THSD7B: variants seen among roughly 807,000 people sequenced by gnomAD.
The protein encoded by THSD7B is thrombospondin type-1 domain-containing protein 7B.
In THSD7B, 138 loss-of-function variants were observed where a neutral mutation model predicts 213.6. That is an observed-to-expected ratio of 0.65 (90% CI 0.56 to 0.74). THSD7B has a LOEUF of 0.74. Ranked by LOEUF, THSD7B falls within the 30% of genes least tolerant of loss-of-function variation. THSD7B has a pLI of 0.00. For missense variants in THSD7B, 1,931 were observed against 1,991.5 expected, an observed-to-expected ratio of 0.97 and a Z score of 0.58; for synonymous variants, 742 against 687.0, an observed-to-expected ratio of 1.08 and a Z score of -1.25.
intron 16 of THSD7B, among the ~76,000 whole-genome samples, chr2:137,568,888 T>G (rs1681295268): frequency 6.6e-6 from 1 of 151,900 alleles, no homozygotes; most frequent in African/African-American, 2.4e-5. Flanking sequence ...AATGCTGGGG[T>G]TATAGAGAGA....
Position 137,105,607 on chromosome 2 carries a change from G to C in THSD7B, c.1200-9517G>C, listed in dbSNP as rs559306526. Among the ~76,000 whole-genome samples, 10 of 152,276 alleles carry C rather than the reference G, an allele frequency of 6.6e-5. No individual in the cohort carries two copies. In the South Asian group the frequency reaches 2.1e-3, roughly 32 times the overall value. ...AGGTATTCAAATAGGAAGAGAGGAA[G>C]TCAAATTGTCTCTGTTTGCAGATGA... is the stretch of plus-strand genomic sequence containing the variant. On this transcript the variant is annotated intron_variant, in intron 4 of 27. Transcript: ENST00000409968.
At chr2:137,123,509 T>A (rs1688579207) in intron 5 of THSD7B, among the ~76,000 whole-genome samples, 1 of 152,170 alleles carries the variant, frequency 6.6e-6, no homozygotes, top group Admixed American at 6.5e-5. Flanking sequence ...CATATTTTCT[T>A]TGCTTTACTC....
At position 137,659,706 on chromosome 2, in the gene THSD7B, G is replaced by A; in HGVS notation, c.4418G>A (p.Cys1473Tyr). The change falls in exon 25 of 28, where the codon TGC (cysteine) becomes TAC (tyrosine). Residue 1473 changes from cysteine to tyrosine, a missense_variant. Coordinates refer to ENST00000409968, the MANE Select transcript of THSD7B (RefSeq NM_001316349.2). ...PQARPAAIRQCIPACRKPFSY... is the reference protein window; with the variant it reads ...PQARPAAIRQYIPACRKPFSY... ...GCCCGTCCTGCTGCCATTCGGCAGTGCATTCCAGCCTGCAGAAAACCTTTC... is the reference window on the plus strand; with the variant it reads ...GCCCGTCCTGCTGCCATTCGGCAGTACATTCCAGCCTGCAGAAAACCTTTC... The A allele has an allele frequency of 6.2e-7, 1 of 1,604,922 alleles. No homozygotes were observed.
At position 137,072,705 on chromosome 2, in the gene THSD7B, G is replaced by A. The variant is rs372334982; in HGVS notation, c.950+15475G>A. On this transcript the variant is annotated intron_variant, in intron 3 of 27. Coordinates refer to ENST00000409968, the MANE Select transcript of THSD7B (RefSeq NM_001316349.2). ...CCCGTTTTCAAAGGGAATGCTTCCA[G>A]TTTTTGCCCATTCAGTATGATATTG... Among the ~76,000 whole-genome samples, 88 of 152,266 alleles carry A rather than the reference G, an allele frequency of 5.8e-4. No homozygotes were observed. In the East Asian group the frequency reaches 0.013, roughly 23 times the overall value.
At chr2:137,358,124 A>G (rs998598440) in intron 12 of THSD7B, among the ~76,000 whole-genome samples, 4 of 152,190 alleles carry the variant, frequency 2.6e-5, no homozygotes, top group African/African-American at 9.7e-5. Context: ...GCCTCTTTCA[A>G]ATATTAGAAA....
At chr2:137,334,957 A>T (rs1372922410) in intron 12 of THSD7B, among the ~76,000 whole-genome samples, 1 of 152,140 alleles carries the variant, frequency 6.6e-6, no homozygotes, top group Non-Finnish European at 1.5e-5. Context: ...GCTGGCACTC[A>T]TTCTCTCTCC....
intron 8 of THSD7B, among the ~76,000 whole-genome samples, chr2:137,232,435 G>C (rs1681661417): frequency 6.6e-6 from 1 of 152,094 alleles, no homozygotes. Context: ...TCTTAAAATA[G>C]TTCTCTTAGA....
chr2:136,981,809 G>A (rs1028530627), intron 2 of THSD7B, among the ~76,000 whole-genome samples: 4 of 152,174 alleles, frequency 2.6e-5, no homozygotes, highest in Admixed American at 2.6e-4. Flanking sequence ...ACTTGCTGCA[G>A]CATCTCGTAG....
At chr2:136,838,869 C>G (rs954943691) in intron 1 of THSD7B, among the ~76,000 whole-genome samples, 2 of 152,106 alleles carry the variant, frequency 1.3e-5, no homozygotes, top group Non-Finnish European at 2.9e-5. Flanking sequence ...TGCCTGAAGT[C>G]TCTACTTGTG....
chr2:137,474,188 C>G (rs1037329626), intron 15 of THSD7B, among the ~76,000 whole-genome samples: 2 of 152,166 alleles, frequency 1.3e-5, no homozygotes, highest in African/African-American at 4.8e-5. Flanking sequence ...TATGTAAACA[C>G]TGCTTTCAAA....
At chr2:136,994,056 C>G (rs17674344) in intron 2 of THSD7B, among the ~76,000 whole-genome samples, 7,698 of 152,274 alleles carry the variant, frequency 0.051, 219 homozygotes, top group Middle Eastern at 0.18. Flanking sequence ...ATTGTATTCT[C>G]ACTTCAAGGT....
At chr2:137,097,769 G>GAC (rs3050089) in intron 4 of THSD7B, among the ~76,000 whole-genome samples, 66,800 of 141,130 alleles carry the variant, frequency 0.47, 17,056 homozygotes, top group Non-Finnish European at 0.58. Context: ...CGCTAAGTTT[G>GAC]ACACACACAC....
chr2:137,591,230 T>C (rs1430155402), intron 17 of THSD7B, among the ~76,000 whole-genome samples: 5 of 151,910 alleles, frequency 3.3e-5, no homozygotes, highest in Admixed American at 6.6e-5. Flanking sequence ...AAGGTATACA[T>C]TTTTTCCAAC....
chr2:137,071,012 G>A (rs546627670), intron 3 of THSD7B, among the ~76,000 whole-genome samples: 9 of 152,114 alleles, frequency 5.9e-5, no homozygotes, highest in South Asian at 2.1e-4. Flanking sequence ...GAATAGTGCC[G>A]CTATAAACAT....
chr2:137,458,245 T>C (rs1237379235), intron 15 of THSD7B, among the ~76,000 whole-genome samples: 4 of 152,288 alleles, frequency 2.6e-5, no homozygotes, highest in Middle Eastern at 3.4e-3. Flanking sequence ...GGAAACACTC[T>C]CACAATAAGT....
At chr2:137,188,528 G>A (rs904569076) in intron 7 of THSD7B, among the ~76,000 whole-genome samples, 2 of 152,036 alleles carry the variant, frequency 1.3e-5, no homozygotes, top group East Asian at 3.9e-4. Flanking sequence ...TCTCTCTTAC[G>A]GAAACTCATG....
intron 1 of THSD7B, among the ~76,000 whole-genome samples, chr2:136,860,872 G>T (rs180677530): frequency 4.6e-5 from 7 of 152,328 alleles, no homozygotes; most frequent in Admixed American, 1.3e-4. Context: ...CTACTCTGAT[G>T]CTCTCCTGGA....
chr2:137,188,296 A>C (rs1680589575), intron 7 of THSD7B, among the ~76,000 whole-genome samples: 1 of 152,140 alleles, frequency 6.6e-6, no homozygotes, highest in Non-Finnish European at 1.5e-5. Context: ...ATTTACCAGC[A>C]AATGGATATT....
intron 1 of THSD7B, among the ~76,000 whole-genome samples, chr2:136,825,940 T>C (rs750357836): frequency 6.6e-6 from 1 of 152,120 alleles, no homozygotes; most frequent in Non-Finnish European, 1.5e-5. Context: ...CTCCAAGTCC[T>C]TTTGCTTCGC....
Sources: gnomAD v4.1 joint callset for allele counts (sites outside exome capture counted in the v4.1 genomes callset) on GRCh38, gnomAD v4.1.1 for gene constraint, MANE v1.5 for transcripts, NCBI Gene and HGNC (gene_info 2026-07-23, HGNC 2026-07-21) for gene names.